The following SGPP1 variants were observed in gnomAD, a reference collection of about 807,000 sequenced individuals.
SGPP1 encodes sphingosine-1-phosphate phosphatase 1, also known as hSPP1.
A neutral mutation model predicts 33.0 loss-of-function variants in SGPP1; 21 were observed. The ratio of observed to expected loss-of-function variants is 0.64; its 90% confidence interval spans 0.45 to 0.92. The LOEUF (loss-of-function observed/expected upper bound fraction) is 0.92. Among genes scored for constraint, SGPP1 ranks in the 40% least tolerant of loss-of-function variants. The pLI is 0.00. For synonymous variants in SGPP1, 239 were observed against 241.2 expected (o/e 0.99, Z 0.08); for missense variants, 543 against 589.4 (o/e 0.92, Z 0.81).
In SGPP1 at chr14:63,684,467, TTTA is replaced by T. The variant is rs1167720435; in HGVS notation, c.*1635_*1637del. The T allele has an allele frequency of 6.6e-6, 1 of 152,236 alleles. No individual in the cohort carries two copies. The highest frequency in any genetic ancestry group is 1.5e-5 in the Non-Finnish European group (1 of 67,934). 9.4% of individuals were successfully genotyped at this position (152,236 alleles called of 1,614,324 possible). ...ATTTTCCTACATGCCTTGGTTTCCTTTTAACTAATAAGTAAAGGGTAAATTTAG... is the reference window on the plus strand; with the variant it reads ...ATTTTCCTACATGCCTTGGTTTCCTTACTAATAAGTAAAGGGTAAATTTAG... On this transcript the variant is annotated 3_prime_UTR_variant, in exon 3 of 3. Transcript: ENST00000247225.
At chr14:63,716,983 G>A (rs148590087) in intron 1 of SGPP1, among the ~76,000 whole-genome samples, 2,731 of 151,800 alleles carry the variant, frequency 0.018, 32 homozygotes, top group South Asian at 0.026. Context: ...ATGAACCACC[G>A]TGCCCAGGAC....
intron 1 of SGPP1, among the ~76,000 whole-genome samples, chr14:63,699,972 C>CT (rs1481946590): frequency 7.3e-5 from 11 of 151,456 alleles, no homozygotes; most frequent in African/African-American, 2.4e-4. Context: ...TTACCTTTTC[C>CT]TTTTTTTTGA....
intron 1 of SGPP1, among the ~76,000 whole-genome samples, chr14:63,708,754 C>T (rs1885467268): frequency 1.3e-5 from 2 of 152,118 alleles, no homozygotes; most frequent in Admixed American, 1.3e-4. Flanking sequence ...CCCATGTAAT[C>T]ATCAGAACAA....
Position 63,728,022 on chromosome 14 carries a change from C to G in SGPP1, c.-78G>C, listed in dbSNP as rs1885929987. The G allele has an allele frequency of 1.4e-6, 2 of 1,411,188 alleles. No individual in the cohort carries two copies. Among genetic ancestry groups the G allele is most frequent in the East Asian group, 6.1e-5 (2 of 32,910 alleles). The allele number at this position is 1,411,188 out of a possible 1,614,324, so 87.4% of individuals were successfully genotyped here. ...TCCCCGCGCTCCTGGCCAGCGGCAG[C>G]GGAACCGGCACAGCGCTCTACCCTC... On this transcript the variant is annotated 5_prime_UTR_variant, in exon 1 of 3. Transcript: ENST00000247225.
At chr14:63,690,827 C>G (rs1029068865) in intron 2 of SGPP1, among the ~76,000 whole-genome samples, 2 of 152,198 alleles carry the variant, frequency 1.3e-5, no homozygotes. Context: ...TCTCCTGTCT[C>G]AGCCTCCCAA....
intron 1 of SGPP1, among the ~76,000 whole-genome samples, chr14:63,704,270 A>G (rs767872283): frequency 3.9e-5 from 6 of 152,248 alleles, no homozygotes; most frequent in Non-Finnish European, 7.3e-5. Context: ...TCCAATTTCA[A>G]AATTTACTAC....
At chr14:63,706,901 G>A (rs1162097421) in intron 1 of SGPP1, among the ~76,000 whole-genome samples, 1 of 151,844 alleles carries the variant, frequency 6.6e-6, no homozygotes, top group African/African-American at 2.4e-5. Flanking sequence ...AAATTAGCTG[G>A]GCCTGGTAGC....
intron 1 of SGPP1, among the ~76,000 whole-genome samples, chr14:63,707,223 C>A (rs910228711): frequency 7.9e-5 from 12 of 152,020 alleles, no homozygotes; most frequent in Non-Finnish European, 1.2e-4. Context: ...CAACTGAACT[C>A]ACCATATACA....
intron 2 of SGPP1, among the ~76,000 whole-genome samples, chr14:63,697,287 G>A (rs1885206131): frequency 6.6e-6 from 1 of 152,148 alleles, no homozygotes; most frequent in Non-Finnish European, 1.5e-5. Flanking sequence ...TATCTGTGAA[G>A]GAGCAGGTGC....
chr14:63,692,856 A>G (rs1366317252), intron 2 of SGPP1, among the ~76,000 whole-genome samples: 2 of 152,262 alleles, frequency 1.3e-5, no homozygotes, highest in East Asian at 1.9e-4. Context: ...CAGTTACTCA[A>G]AGATTCCACA....
chr14:63,718,150 A>G (rs1227526885), intron 1 of SGPP1, among the ~76,000 whole-genome samples: 3 of 151,952 alleles, frequency 2.0e-5, no homozygotes, highest in Non-Finnish European at 4.4e-5. Context: ...TGGGAGGCTG[A>G]GGCAGGAGAA....
At chr14:63,698,444 AAGTT>A (rs1489938811) in intron 2 of SGPP1, 121 bp downstream of exon 2, 4 of 486,378 alleles carry the variant, frequency 8.2e-6, no homozygotes, top group African/African-American at 4.0e-5. Context: ...TCGCAAAACA[AAGTT>A]AGACGACTTA....
Position 63,727,950 on chromosome 14 carries a change from C to A in SGPP1, c.-6G>T, listed in dbSNP as rs1437210370. 19 of 1,542,632 alleles carry A rather than the reference C, an allele frequency of 1.2e-5. No individual in the cohort carries two copies. The highest frequency in any genetic ancestry group is 2.8e-5 in the African/African-American group (2 of 71,134). On this transcript the variant is annotated 5_prime_UTR_variant, in exon 1 of 3. Coordinates refer to ENST00000247225, the MANE Select transcript of SGPP1 (RefSeq NM_030791.4). ...AGGCGCTGCCTCAGCGACATGATAA[C>A]GGAACCCCCGGGAAGGCGGGCCGGC...
At chr14:63,695,034 CT>C (rs1352501157) in intron 2 of SGPP1, among the ~76,000 whole-genome samples, 1 of 151,790 alleles carries the variant, frequency 6.6e-6, no homozygotes, top group Non-Finnish European at 1.5e-5. Context: ...CTCATAATGG[CT>C]TTTTTGTTTT....
At chr14:63,692,194 C>T (rs1365552075) in intron 2 of SGPP1, among the ~76,000 whole-genome samples, 2 of 152,212 alleles carry the variant, frequency 1.3e-5, no homozygotes, top group Non-Finnish European at 2.9e-5. Flanking sequence ...AACAGCTTGC[C>T]TCGAAAAGTC....
In SGPP1 at chr14:63,728,051, A is replaced by G. The variant is rs1016551684; in HGVS notation, c.-107T>C. On this transcript the variant is annotated 5_prime_UTR_variant, in exon 1 of 3. Coordinates refer to ENST00000247225, the MANE Select transcript of SGPP1 (RefSeq NM_030791.4). The stretch of plus-strand genomic sequence containing the variant: ...ACCGGCACAGCGCTCTACCCTCCGG[A>G]GTCTGCCGGGTGACGGCGCCACAGG... 11 of 1,194,876 alleles carry G rather than the reference A, an allele frequency of 9.2e-6. No individual in the cohort carries two copies. Among genetic ancestry groups the G allele is most frequent in the African/African-American group, 6.4e-5 (4 of 62,570 alleles). 74.0% of individuals were successfully genotyped at this position (1,194,876 alleles called of 1,614,324 possible). A position where few individuals can be genotyped will look rare whatever the true frequency, so the allele number is the denominator to read the frequency against.
chr14:63,708,744 C>A (rs1029057081), intron 1 of SGPP1, among the ~76,000 whole-genome samples: 1 of 152,148 alleles, frequency 6.6e-6, no homozygotes. Context: ...CAAATATTAA[C>A]CCATGTAATC....
intron 1 of SGPP1, among the ~76,000 whole-genome samples, chr14:63,718,667 C>A: frequency 6.6e-6 from 1 of 151,240 alleles, no homozygotes; most frequent in African/African-American, 2.4e-5. Context: ...GGTGAAGCAA[C>A]CACTAAAAAA....
At position 63,719,014 on chromosome 14, in the gene SGPP1, A is replaced by ATTT. The variant is rs1163496718; in HGVS notation, c.684+8244_684+8246dup. On this transcript the variant is annotated intron_variant, in intron 1 of 2. Transcript: ENST00000247225. ...TATATATATATATATATATATATAT[A>ATTT]TTTTTTTTTTTTTTTTTTTTTTTTT... is the stretch of plus-strand genomic sequence containing the variant. Among the ~76,000 whole-genome samples the ATTT allele has an allele frequency of 6.2e-4, 12 of 19,434 alleles. 2 individuals carry two copies. Among genetic ancestry groups the ATTT allele is most frequent in the Non-Finnish European group, 6.5e-4 (8 of 12,338 alleles). 12.7% of individuals were successfully genotyped at this position (19,434 alleles called of 152,430 possible).
Sources: gnomAD v4.1 joint callset for allele counts (sites outside exome capture counted in the v4.1 genomes callset) on GRCh38, gnomAD v4.1.1 for gene constraint, MANE v1.5 for transcripts, NCBI Gene and HGNC (gene_info 2026-07-23, HGNC 2026-07-21) for gene names.